Variants in CSMD3 observed in about 807,000 individuals in gnomAD.
CSMD3 encodes CUB and sushi domain-containing protein 3.
In CSMD3, 177 loss-of-function variants were observed where a neutral mutation model predicts 435.2. The ratio of observed to expected loss-of-function variants is 0.41; its 90% CI spans 0.36 to 0.46. The LOEUF (loss-of-function observed/expected upper bound fraction) is 0.46, where lower values mean the gene tolerates loss of function less well. Among genes scored for constraint, CSMD3 ranks in the 20% least tolerant of loss-of-function variants. The probability of loss-of-function intolerance (pLI) is 0.34; values close to 1 mark genes in which losing one functional copy is unlikely to be tolerated. For missense variants in CSMD3, 4,265 were observed against 4,504.6 expected (o/e 0.95, Z 1.52); for synonymous variants, 1,656 against 1,520.5 (o/e 1.09, Z -2.07).
At chr8:112,363,546 A>T (rs2131133284) in intron 38 of CSMD3, among the ~76,000 whole-genome samples, 1 of 152,164 alleles carries the variant, frequency 6.6e-6, no homozygotes, top group East Asian at 1.9e-4. Flanking sequence ...TCACTGCAAG[A>T]AAACCCTGGG....
intron 31 of CSMD3, among the ~76,000 whole-genome samples, chr8:112,473,224 C>A (rs777896278): frequency 6.6e-6 from 1 of 151,982 alleles, no homozygotes. Flanking sequence ...GTTGATTGTG[C>A]CTTGAGGCAG....
chr8:112,284,097 G>T (rs1818934687), intron 58 of CSMD3, among the ~76,000 whole-genome samples: 2 of 151,684 alleles, frequency 1.3e-5, no homozygotes, highest in South Asian at 4.1e-4. Flanking sequence ...AACCACTAAA[G>T]ATATTATAAC....
chr8:112,228,048 T>A (rs182557367), intron 70 of CSMD3, among the ~76,000 whole-genome samples: 216 of 151,668 alleles, frequency 1.4e-3, no homozygotes, highest in African/African-American at 4.5e-3. Context: ...TCTCAAAAAA[T>A]ATATATATAT....
intron 6 of CSMD3, among the ~76,000 whole-genome samples, chr8:113,003,752 G>A (rs1356173961): frequency 6.6e-6 from 1 of 151,904 alleles, no homozygotes; most frequent in Non-Finnish European, 1.5e-5. Context: ...TAAGATTGCA[G>A]AAACATGATT....
intron 3 of CSMD3, among the ~76,000 whole-genome samples, chr8:113,263,076 T>C (rs953836638): frequency 6.6e-6 from 1 of 152,010 alleles, no homozygotes; most frequent in Non-Finnish European, 1.5e-5. Context: ...AGGCACAATA[T>C]AATACTGCAT....
intron 3 of CSMD3, among the ~76,000 whole-genome samples, chr8:113,225,234 T>A (rs1036205870): frequency 2.0e-5 from 3 of 151,518 alleles, no homozygotes; most frequent in Non-Finnish European, 3.0e-5. Context: ...CATTGAAGTA[T>A]CATTTTGGTG....
intron 3 of CSMD3, among the ~76,000 whole-genome samples, chr8:113,182,825 C>T (rs1215759360): frequency 2.6e-5 from 4 of 152,078 alleles, no homozygotes; most frequent in African/African-American, 9.7e-5. Flanking sequence ...AAAGAAACAA[C>T]AACAGCAACA....
At chr8:112,435,435 T>G (rs1277610521) in intron 32 of CSMD3, among the ~76,000 whole-genome samples, 1 of 152,094 alleles carries the variant, frequency 6.6e-6, no homozygotes, top group Non-Finnish European at 1.5e-5. Context: ...AGAGACAAGC[T>G]AGTACTAGAA....
chr8:112,621,965 A>T (rs1047848631), intron 22 of CSMD3, among the ~76,000 whole-genome samples: 6 of 152,110 alleles, frequency 3.9e-5, no homozygotes, highest in Middle Eastern at 6.8e-3. Context: ...AGTATTTCTC[A>T]TTCTCTCTCT....
intron 24 of CSMD3, among the ~76,000 whole-genome samples, chr8:112,573,110 T>A (rs1346087709): frequency 6.6e-6 from 1 of 152,100 alleles, no homozygotes; most frequent in Non-Finnish European, 1.5e-5. Context: ...TAGTTATCAT[T>A]TATAACTGAC....
At chr8:112,645,706 T>C (rs984495242) in intron 19 of CSMD3, among the ~76,000 whole-genome samples, 6 of 152,148 alleles carry the variant, frequency 3.9e-5, no homozygotes, top group Non-Finnish European at 8.8e-5. Flanking sequence ...CTAGGAAATA[T>C]TATGAACAAA....
chr8:113,146,971 T>G (rs1303645631), intron 4 of CSMD3, among the ~76,000 whole-genome samples: 1 of 151,718 alleles, frequency 6.6e-6, no homozygotes, highest in Non-Finnish European at 1.5e-5. Context: ...ATACTTTACT[T>G]AAAAGGTGAT....
chr8:112,318,618 G>A (rs1477584349), intron 47 of CSMD3, among the ~76,000 whole-genome samples: 1 of 151,862 alleles, frequency 6.6e-6, no homozygotes, highest in Non-Finnish European at 1.5e-5. Flanking sequence ...TGCTAAACCA[G>A]AAAAATTTAC....
At chr8:112,347,679 ACC>A (rs1825793877) in intron 40 of CSMD3, among the ~76,000 whole-genome samples, 3 of 152,140 alleles carry the variant, frequency 2.0e-5, no homozygotes, top group Admixed American at 2.0e-4. Context: ...TCGTTAATTC[ACC>A]CTTAAACCAA....
At chr8:112,874,732 T>A (rs1239761841) in intron 10 of CSMD3, among the ~76,000 whole-genome samples, 1 of 152,144 alleles carries the variant, frequency 6.6e-6, no homozygotes. Flanking sequence ...ACCCCTGCTT[T>A]TTTATTTATT....
At chr8:112,533,085 C>G (rs1825696080) in intron 27 of CSMD3, among the ~76,000 whole-genome samples, 1 of 151,702 alleles carries the variant, frequency 6.6e-6, no homozygotes, top group Non-Finnish European at 1.5e-5. Flanking sequence ...CTTTGTAAGC[C>G]ATACAGTAAT....
chr8:113,241,098 A>C (rs1177807412), intron 3 of CSMD3, among the ~76,000 whole-genome samples: 1 of 152,132 alleles, frequency 6.6e-6, no homozygotes, highest in African/African-American at 2.4e-5. Context: ...TCTTTATTCA[A>C]GTACTTTGTA....
intron 10 of CSMD3, among the ~76,000 whole-genome samples, chr8:112,908,101 C>T (rs532782713): frequency 1.7e-4 from 26 of 151,338 alleles, no homozygotes; most frequent in Non-Finnish European, 3.7e-4. Context: ...GTCTGACTAC[C>T]ATTGAATACC....
At chr8:112,587,265 G>C in intron 22 of CSMD3, 30 bp from the exon 23 acceptor site, 2 of 1,504,684 alleles carry the variant, frequency 1.3e-6, no homozygotes, top group Non-Finnish European at 1.8e-6. Flanking sequence ...TTGAAGTACA[G>C]TTTAATAGAT....
Sources: gnomAD v4.1 joint callset for allele counts (sites outside exome capture counted in the v4.1 genomes callset) on GRCh38, gnomAD v4.1.1 for gene constraint, MANE v1.5 for transcripts, NCBI Gene and HGNC (gene_info 2026-07-23, HGNC 2026-07-21) for gene names.